Variants in PRAMEF4 observed in about 807,000 individuals in gnomAD.
PRAMEF4 encodes PRAME family member 4.
PRAMEF4 carries 18 observed loss-of-function variants against 34.4 expected under a neutral mutation model. That is an observed-to-expected ratio of 0.52 (90% confidence interval 0.36 to 0.78). PRAMEF4 has a LOEUF of 0.78. Among genes scored for constraint, PRAMEF4 ranks in the 30% least tolerant of loss-of-function variants. The probability of loss-of-function intolerance (pLI) is 0.00; values close to 1 mark genes in which losing one functional copy is unlikely to be tolerated. For synonymous variants in PRAMEF4, 156 were observed against 219.3 expected (o/e 0.71, Z 2.55); for missense variants, 482 against 569.1 (o/e 0.85, Z 1.56).
In PRAMEF4 at chr1:12,880,116, A is replaced by G. The variant is rs1354878546; in HGVS notation, c.876-11T>C. ...GAGGTCTTCAGACAGCTGGGGAGAGAGAGCAAGAAGTTAATTCTGGGGAAT... is the reference window on the plus strand; with the variant it reads ...GAGGTCTTCAGACAGCTGGGGAGAGGGAGCAAGAAGTTAATTCTGGGGAAT... On this transcript the variant is annotated splice_polypyrimidine_tract_variant and intron_variant, in intron 3 of 3. Coordinates refer to ENST00000235349, the MANE Select transcript of PRAMEF4 (RefSeq NM_001009611.4). The G allele has an allele frequency of 6.5e-6, 10 of 1,530,668 alleles. No homozygotes were observed. The highest frequency in any genetic ancestry group is 2.9e-5 in the African/African-American group (2 of 69,746). 94.8% of individuals were successfully genotyped at this position (1,530,668 alleles called of 1,614,324 possible).
Position 12,883,460 on chromosome 1 carries a change from A to G in PRAMEF4, c.-16-50T>C, listed in dbSNP as rs945185118. ...AAGGCATCTCTCTCGGGCCAAGCCC[A>G]TGCAATCTCATCCTCTCCTATGGCC... is the stretch of plus-strand genomic sequence containing the variant. On this transcript the variant is annotated intron_variant, in intron 1 of 3. Transcript: ENST00000235349. 1.6e-4 allele frequency: 259 copies of G among 1,596,010 alleles called. 14 individuals carry two copies. Among genetic ancestry groups the G allele is most frequent in the Non-Finnish European group, 2.1e-4 (242 of 1,172,146 alleles).
intron 1 of PRAMEF4, among the ~76,000 whole-genome samples, chr1:12,885,444 C>A (rs373670827): frequency 6.7e-6 from 1 of 149,762 alleles, no homozygotes; most frequent in Admixed American, 6.8e-5. Flanking sequence ...ACTGCAGCCT[C>A]AATCTTCTGG....
chr1:12,879,723 C>T lies in PRAMEF4; in HGVS notation c.1258G>A (p.Glu420Lys). Residue 420 changes from glutamate to lysine, a missense_variant, in exon 4 of 4, where the codon GAG becomes AAG. Coordinates refer to ENST00000235349, the MANE Select transcript of PRAMEF4 (RefSeq NM_001009611.4). The stretch of plus-strand genomic sequence containing the variant: ...AGAGTACCATCAGCACCATAACTCT[C>T]CCGGGGGGCAGGATACAGCTCCACG... Reference protein sequence around the residue: ...LCVELYPAPRESYGADGTLCW... With the variant: ...LCVELYPAPRKSYGADGTLCW... 6.2e-7 allele frequency: 1 copy of T among 1,600,534 alleles called. No homozygotes were observed. The highest frequency in any genetic ancestry group is 8.5e-7 in the Non-Finnish European group (1 of 1,173,800).
intron 1 of PRAMEF4, among the ~76,000 whole-genome samples, chr1:12,885,057 A>T (rs1475066199): frequency 6.6e-6 from 1 of 150,444 alleles, no homozygotes; most frequent in Admixed American, 6.8e-5. Context: ...ACAGTTTTCA[A>T]AGACAGAGAT....
At chr1:12,883,976 C>A (rs796263774) in intron 1 of PRAMEF4, among the ~76,000 whole-genome samples, 20 of 142,374 alleles carry the variant, frequency 1.4e-4, no homozygotes, top group East Asian at 4.1e-4. Flanking sequence ...CTTTCCCTGC[C>A]TCCCTTCTCT....
chr1:12,886,002 A>C (rs12061351), intron 1 of PRAMEF4, 145 bp downstream of exon 1: 12 of 82,300 alleles, frequency 1.5e-4, no homozygotes, highest in African/African-American at 5.6e-4. Context: ...TAGAGGAAAA[A>C]ATTCAAAGCT....
Position 12,882,403 on chromosome 1 carries a change from T to A in PRAMEF4, c.326A>T (p.Asp109Val), listed in dbSNP as rs1640908341. The A allele has an allele frequency of 6.9e-6, 11 of 1,588,260 alleles. No individual in the cohort carries two copies. The highest frequency in any genetic ancestry group is 1.1e-5 in the South Asian group (1 of 89,948). Residue 109 changes from aspartate to valine, a missense_variant, in exon 3 of 4, where the codon GAT becomes GTT. Around this residue, in one of 6 missense-constraint regions of PRAMEF4, gnomAD observed 72 missense variants for 128.9 expected, o/e 0.56. Coordinates refer to ENST00000235349, the MANE Select transcript of PRAMEF4 (RefSeq NM_001009611.4). ...RWKLQVLDLQ[D>V]VCENFWMVWS... ...AACCATCCAGAAGTTCTCACAGACA[T>A]CCTGTAAATCCAGCACTTGAAGTTT...
intron 2 of PRAMEF4, 88 bp downstream of exon 2, chr1:12,883,014 C>G (rs2100424162): frequency 6.4e-7 from 1 of 1,555,578 alleles, no homozygotes; most frequent in East Asian, 2.3e-5. Context: ...ACCACCATCC[C>G]CCTTGGGCCT....
chr1:12,881,492 A>G (rs892561331), intron 3 of PRAMEF4, among the ~76,000 whole-genome samples: 9 of 148,862 alleles, frequency 6.0e-5, no homozygotes, highest in Non-Finnish European at 1.3e-4. Flanking sequence ...CAGACTCCCA[A>G]AGTGATAGGA....
Position 12,883,204 on chromosome 1 carries a change from C to T in PRAMEF4, c.191G>A (p.Arg64His), listed in dbSNP as rs774155293. 3.8e-5 allele frequency: 61 copies of T among 1,599,800 alleles called. No homozygotes were observed. The highest frequency in any genetic ancestry group is 1.4e-4 in the South Asian group (13 of 90,118). ...LKLMVQSWPF[R>H]RLPLRPLIKM... is the part of the protein sequence containing the mutation. ...TATCAGAGGCCTCAGAGGGAGGCGG[C>T]GGAAGGGCCAGGACTGCACCATCAG... Residue 64 changes from arginine (R) to histidine (H), a missense_variant, in exon 2 of 4, where the codon CGC (arginine) becomes CAC (histidine). Coordinates refer to ENST00000235349, the MANE Select transcript of PRAMEF4 (RefSeq NM_001009611.4).
At chr1:12,881,479 C>T (rs1640886272) in intron 3 of PRAMEF4, among the ~76,000 whole-genome samples, 1 of 149,216 alleles carries the variant, frequency 6.7e-6, no homozygotes, top group South Asian at 2.1e-4. Context: ...TATCCTCTTG[C>T]CTCAGACTCC....
At position 12,879,686 on chromosome 1, in the gene PRAMEF4, C is replaced by A. The variant is rs543370672; in HGVS notation, c.1295G>T (p.Arg432Ile). 1 of 1,602,050 alleles carries A rather than the reference C, an allele frequency of 6.2e-7. No individual in the cohort carries two copies. Among genetic ancestry groups the A allele is most frequent in the Non-Finnish European group, 8.5e-7 (1 of 1,175,250 alleles). ...YGADGTLCWS[R>I]FAQIRAELMN... ...CAGCTCAGCCCTAATTTGAGCAAAT[C>A]TGCTCCAGCAGAGAGTACCATCAGC... Residue 432 changes from arginine (R) to isoleucine (I), a missense_variant, in exon 4 of 4, where the codon AGA becomes ATA. Physicochemically the swap from Arg to Ile is moderately conservative, Grantham distance 97 (BLOSUM62 -3). This residue lies in a region of PRAMEF4 where 116 missense variants were observed against 105.2 expected (regional missense o/e 1.10). Transcript: ENST00000235349.
chr1:12,883,586 G>C lies in PRAMEF4; in HGVS notation c.-16-176C>G, dbSNP rs536178356. ...CCAGCATTCTGCCTCTGCTGCATCA[G>C]CATGAGCGTCTCCGAAGCAGTGAGG... is the stretch of plus-strand genomic sequence containing the variant. On this transcript the variant is annotated intron_variant, in intron 1 of 3. Coordinates refer to ENST00000235349, the MANE Select transcript of PRAMEF4 (RefSeq NM_001009611.4). Among the ~76,000 whole-genome samples, 1,121 of 148,926 alleles carry C rather than the reference G, an allele frequency of 7.5e-3. 77 individuals are homozygous for C. The highest frequency in any genetic ancestry group is 0.025 in the African/African-American group (1,001 of 40,340).
At chr1:12,881,240 C>T (rs1357341967) in intron 3 of PRAMEF4, among the ~76,000 whole-genome samples, 1 of 147,880 alleles carries the variant, frequency 6.8e-6, no homozygotes, top group Non-Finnish European at 1.5e-5. Flanking sequence ...GTGGCTCACG[C>T]CTGTAATCCC....
In PRAMEF4 at chr1:12,879,699, G is replaced by C. The variant is rs1180153524; in HGVS notation, c.1282C>G (p.Leu428Val). The change falls in exon 4 of 4, where the codon CTC becomes GTC. Residue 428 changes from leucine to valine, a missense_variant. Coordinates refer to ENST00000235349, the MANE Select transcript of PRAMEF4 (RefSeq NM_001009611.4). The part of the protein sequence containing the change: ...PRESYGADGT[L>V]CWSRFAQIRA... ...ATTTGAGCAAATCTGCTCCAGCAGAGAGTACCATCAGCACCATAACTCTCC... is the reference window on the plus strand; with the variant it reads ...ATTTGAGCAAATCTGCTCCAGCAGACAGTACCATCAGCACCATAACTCTCC... 3.7e-6 allele frequency: 6 copies of C among 1,601,856 alleles called. 1 individual carries two copies. The highest frequency in any genetic ancestry group is 5.1e-6 in the Non-Finnish European group (6 of 1,175,030).
At position 12,879,740 on chromosome 1, in the gene PRAMEF4, A is replaced by C; in HGVS notation, c.1241T>G (p.Leu414Arg). 3 of 1,603,360 alleles carry C rather than the reference A, an allele frequency of 1.9e-6. No individual in the cohort carries two copies. The highest frequency in any genetic ancestry group is 2.6e-6 in the Non-Finnish European group (3 of 1,175,560). ...TIILKNLCVE[L>R]YPAPRESYGA... The stretch of plus-strand genomic sequence containing the variant: ...ATAACTCTCCCGGGGGGCAGGATAC[A>C]GCTCCACGCATAAGTTTTTGAGTAT... Residue 414 changes from leucine to arginine, a missense_variant, in exon 4 of 4, where the codon CTG (leucine) becomes CGG (arginine). Physicochemically the swap from Leu to Arg is moderately radical, Grantham distance 102. Transcript: ENST00000235349.
At chr1:12,883,692 AC>A (rs1399437158) in intron 1 of PRAMEF4, among the ~76,000 whole-genome samples, 2 of 147,422 alleles carry the variant, frequency 1.4e-5, no homozygotes, top group East Asian at 4.0e-4. Flanking sequence ...CTGAAAGTGA[AC>A]CCCTCCTACC....
intron 2 of PRAMEF4, 82 bp from the exon 3 acceptor site, chr1:12,882,517 C>T (rs1268439070): frequency 6.5e-7 from 1 of 1,540,500 alleles, no homozygotes; most frequent in Non-Finnish European, 8.8e-7. Context: ...GCAGCTCCTC[C>T]CCTCCCTGCT....
At chr1:12,884,040 G>A (rs1318624612) in intron 1 of PRAMEF4, among the ~76,000 whole-genome samples, 2 of 143,956 alleles carry the variant, frequency 1.4e-5, no homozygotes, top group Admixed American at 7.4e-5. Context: ...ACAGAGTCTT[G>A]CTGTGTCACC....
Sources: gnomAD v4.1 joint callset for allele counts (sites outside exome capture counted in the v4.1 genomes callset) on GRCh38, gnomAD v4.1.1 for gene constraint, gnomAD v4.1.1 regional missense constraint, MANE v1.5 for transcripts, NCBI Gene and HGNC (gene_info 2026-07-23, HGNC 2026-07-21) for gene names.